Variants in ANKRD30A observed in about 807,000 individuals in gnomAD.
ANKRD30A encodes ankyrin repeat domain-containing protein 30A.
ANKRD30A carries 170 observed loss-of-function variants against 166.3 expected under a neutral mutation model. That is an observed-to-expected ratio of 1.02 (90% CI 0.90 to 1.16). ANKRD30A has a LOEUF of 1.16. Ranked by LOEUF, ANKRD30A falls within the 50% of genes most tolerant of loss-of-function variation. The pLI is 0.00. For synonymous variants in ANKRD30A, 564 were observed against 508.9 expected (o/e 1.11, Z -1.46); for missense variants, 1,630 against 1,518.0 (o/e 1.07, Z -1.23).
chr10:37,194,664 A>G lies in ANKRD30A; in HGVS notation c.2614+1406A>G, dbSNP rs143165951. On this transcript the variant is annotated intron_variant, in intron 27 of 35. Transcript: ENST00000361713. ...CCGGCCGATGTCTGAAATTTTCAATAAATAGTTGTACACTGTACGTATTGT... is the reference window on the plus strand; with the variant it reads ...CCGGCCGATGTCTGAAATTTTCAATGAATAGTTGTACACTGTACGTATTGT... Among the ~76,000 whole-genome samples, 278 of 152,208 alleles carry G rather than the reference A, an allele frequency of 1.8e-3. 1 individual carries two copies. Among genetic ancestry groups the G allele is most frequent in the Middle Eastern group, 6.8e-3 (2 of 294 alleles).
In ANKRD30A at chr10:37,222,016, T is replaced by G. The variant is rs1346256489; in HGVS notation, c.4185+2119T>G. Among the ~76,000 whole-genome samples the G allele has an allele frequency of 4.6e-5, 7 of 151,400 alleles. No individual in the cohort carries two copies. The East Asian group carries it at 1.4e-3, about 29-fold the overall frequency. The stretch of plus-strand genomic sequence containing the variant: ...ATAAACATTTAGATCATGTATAGTA[T>G]GCATTCAAACATTCAAAATAGAAAA... On this transcript the variant is annotated intron_variant, in intron 34 of 35. Coordinates refer to ENST00000361713, the MANE Select transcript of ANKRD30A (RefSeq NM_052997.3).
In ANKRD30A at chr10:37,153,663, G is replaced by C; in HGVS notation, c.1798+1G>C. ...GATAAAATAAATGGAAAATTAGAAG[G>C]TAAGAACCGTTTTTTATTTAAAAAT... On this transcript the variant is annotated splice_donor_variant, in intron 13 of 35. Coordinates refer to ENST00000361713, the MANE Select transcript of ANKRD30A (RefSeq NM_052997.3). LOFTEE classifies it high-confidence loss of function. 1 of 1,588,032 alleles carries C rather than the reference G, an allele frequency of 6.3e-7. No individual in the cohort carries two copies. Among genetic ancestry groups the C allele is most frequent in the East Asian group, 2.2e-5 (1 of 44,774 alleles).
rs201865282 is a variant in ANKRD30A at position 37,219,575 on chromosome 10, A to G, written c.3863A>G (p.Gln1288Arg). The change falls in exon 34 of 36, where the codon CAA (glutamine) becomes CGA (arginine). Residue 1288 changes from glutamine (Q) to arginine (R), a missense_variant. Around this residue, in one of 4 missense-constraint regions of ANKRD30A, gnomAD observed 712 missense variants for 629.3 expected, o/e 1.13. Coordinates refer to ENST00000361713, the MANE Select transcript of ANKRD30A (RefSeq NM_052997.3). ...TLVSEHAQRD[Q>R]RETQCQMKEA... ...GTTTCAGAACATGCACAAAGAGACCAACGTGAAACACAGTGTCAAATGAAG... is the reference window on the plus strand; with the variant it reads ...GTTTCAGAACATGCACAAAGAGACCGACGTGAAACACAGTGTCAAATGAAG... 173 of 1,610,404 alleles carry G rather than the reference A, an allele frequency of 1.1e-4. No homozygotes were observed. In the African/African-American group the frequency reaches 2.1e-3, roughly 19 times the overall value.
intron 34 of ANKRD30A, among the ~76,000 whole-genome samples, chr10:37,230,962 A>G (rs1299044928): frequency 6.6e-6 from 1 of 152,044 alleles, no homozygotes; most frequent in African/African-American, 2.4e-5. Context: ...TCACTCAGCT[A>G]TCTTTGTCTC....
intron 27 of ANKRD30A, among the ~76,000 whole-genome samples, chr10:37,194,791 A>G (rs1840935788): frequency 6.6e-6 from 1 of 152,176 alleles, no homozygotes; most frequent in African/African-American, 2.4e-5. Flanking sequence ...TAACTCTAAA[A>G]CACATTTAAT....
At chr10:37,248,846 T>C in the ANKRD30A span, among the ~76,000 whole-genome samples, 1 of 152,128 alleles carries the variant, frequency 6.6e-6, no homozygotes, top group African/African-American at 2.4e-5. Context: ...TAGATGCCTT[T>C]CACAGCTGGA....
chr10:37,200,695 G>C (rs994835894), intron 30 of ANKRD30A, among the ~76,000 whole-genome samples: 18 of 151,898 alleles, frequency 1.2e-4, no homozygotes, highest in African/African-American at 4.4e-4. Context: ...TCAAAAACTT[G>C]TTGCTGATTT....
chr10:37,196,240 A>G (rs1292904308), intron 27 of ANKRD30A, among the ~76,000 whole-genome samples: 1 of 152,228 alleles, frequency 6.6e-6, no homozygotes, highest in South Asian at 2.1e-4. Flanking sequence ...TTTGCACTCC[A>G]GAATGTAGAC....
At chr10:37,165,422 G>A (rs1462249707) in intron 18 of ANKRD30A, among the ~76,000 whole-genome samples, 1 of 152,192 alleles carries the variant, frequency 6.6e-6, no homozygotes, top group Non-Finnish European at 1.5e-5. Flanking sequence ...AATTCACATG[G>A]GATCTGGAGT....
At chr10:37,149,972 C>T in intron 11 of ANKRD30A, 123 bp downstream of exon 11, 1 of 1,336,488 alleles carries the variant, frequency 7.5e-7, no homozygotes, top group Non-Finnish European at 1.0e-6. Flanking sequence ...TAGATAATGC[C>T]AATACTGGTA....
the ANKRD30A span, among the ~76,000 whole-genome samples, chr10:37,242,817 C>G: frequency 6.6e-6 from 1 of 152,070 alleles, no homozygotes; most frequent in Non-Finnish European, 1.5e-5. Context: ...GCTGATACAC[C>G]CAACACTTGA....
chr10:37,197,472 T>G lies in ANKRD30A; in HGVS notation c.2708T>G (p.Leu903Trp), dbSNP rs1336183136. The stretch of plus-strand genomic sequence containing the variant: ...TTGGAATTGAAGAATGAACAAACAT[T>G]GAGAGCAGGTACATTTTTCAATGTA... ...KALELKNEQTLRADQMFPSES... is the reference protein window; with the variant it reads ...KALELKNEQTWRADQMFPSES... Residue 903 changes from leucine to tryptophan, a missense_variant, in exon 29 of 36, where the codon TTG becomes TGG. Transcript: ENST00000361713. 6.2e-7 allele frequency: 1 copy of G among 1,612,322 alleles called. No homozygotes were observed. Among genetic ancestry groups the G allele is most frequent in the South Asian group, 1.1e-5 (1 of 91,004 alleles).
chr10:37,127,351 G>C (rs1196241078), intron 1 of ANKRD30A, among the ~76,000 whole-genome samples: 15 of 152,032 alleles, frequency 9.9e-5, no homozygotes, highest in African/African-American at 2.7e-4. Flanking sequence ...AAATATAAAT[G>C]CCTATTTACA....
chr10:37,247,207 G>A, the ANKRD30A span, among the ~76,000 whole-genome samples: 1 of 152,154 alleles, frequency 6.6e-6, no homozygotes, highest in East Asian at 1.9e-4. Context: ...AGAACAAAAA[G>A]TGATTGGTTG....
chr10:37,144,519 T>C (rs1296538701), intron 7 of ANKRD30A, among the ~76,000 whole-genome samples: 2 of 152,216 alleles, frequency 1.3e-5, no homozygotes, highest in Non-Finnish European at 2.9e-5. Context: ...GTTGGACATA[T>C]ATTTTGCTAA....
intron 18 of ANKRD30A, among the ~76,000 whole-genome samples, chr10:37,165,704 A>G (rs1299181678): frequency 1.3e-5 from 2 of 152,128 alleles, no homozygotes; most frequent in Non-Finnish European, 2.9e-5. Flanking sequence ...TAACAAGAGT[A>G]TTGGTTGAGT....
chr10:37,248,364 G>A, the ANKRD30A span: 2 of 329,790 alleles, frequency 6.1e-6, no homozygotes, highest in South Asian at 2.7e-5. Flanking sequence ...CACTGAGACC[G>A]TGACTCCCAT....
chr10:37,205,632 G>C (rs1369880438), intron 31 of ANKRD30A, among the ~76,000 whole-genome samples: 1 of 152,012 alleles, frequency 6.6e-6, no homozygotes, highest in African/African-American at 2.4e-5. Flanking sequence ...GTACTTACAC[G>C]CTTGTGGAAG....
chr10:37,212,551 G>T (rs561006066), intron 31 of ANKRD30A, among the ~76,000 whole-genome samples: 2 of 151,944 alleles, frequency 1.3e-5, no homozygotes, highest in South Asian at 2.1e-4. Flanking sequence ...AAAAGAGCCC[G>T]CATTGTCAAG....
Sources: gnomAD v4.1 joint callset for allele counts (sites outside exome capture counted in the v4.1 genomes callset) on GRCh38, gnomAD v4.1.1 for gene constraint, gnomAD v4.1.1 regional missense constraint, MANE v1.5 for transcripts, NCBI Gene and HGNC (gene_info 2026-07-23, HGNC 2026-07-21) for gene names.